The following PRKN variants were observed in gnomAD, a reference collection of about 807,000 sequenced individuals.
PRKN encodes the protein E3 ubiquitin-protein ligase parkin.
A neutral mutation model predicts 59.5 loss-of-function variants in PRKN; 56 were observed. The observed-to-expected ratio is 0.94, with a 90% CI of 0.76 to 1.18. The LOEUF (loss-of-function observed/expected upper bound fraction) is 1.18, where lower values mean the gene tolerates loss of function less well. Among genes scored for constraint, PRKN ranks in the 50% most tolerant of loss-of-function variants. The probability of loss-of-function intolerance (pLI) is 0.00; values close to 1 mark genes in which losing one functional copy is unlikely to be tolerated. For synonymous variants in PRKN, 250 were observed against 222.1 expected, an observed-to-expected ratio of 1.13 and a Z score of -1.12; for missense variants, 657 against 596.4, an observed-to-expected ratio of 1.10 and a Z score of -1.06.
At chr6:162,725,605 T>G (rs900699058) in intron 1 of PRKN, among the ~76,000 whole-genome samples, 1 of 151,428 alleles carries the variant, frequency 6.6e-6, no homozygotes, top group Non-Finnish European at 1.5e-5. Context: ...ACAAAAACTA[T>G]AACAAAAAAT....
At chr6:161,403,562 C>G (rs1787138533) in intron 9 of PRKN, among the ~76,000 whole-genome samples, 1 of 152,168 alleles carries the variant, frequency 6.6e-6, no homozygotes, top group African/African-American at 2.4e-5. Flanking sequence ...AGTGCAGGGC[C>G]TCAGGGCAGG....
In PRKN at chr6:161,697,822, T is replaced by C. The variant is rs1041782306; in HGVS notation, c.871+87950A>G. On this transcript the variant is annotated intron_variant, in intron 7 of 11. Transcript: ENST00000366898. Reference sequence around the variant, plus strand: ...AAAATCAATCCCTGGCATTTTCTAATTGTGGAACAATTTTTTAAATGTCAG... The same window carrying C: ...AAAATCAATCCCTGGCATTTTCTAACTGTGGAACAATTTTTTAAATGTCAG... Among the ~76,000 whole-genome samples the C allele has an allele frequency of 2.6e-5, 4 of 152,326 alleles. No individual in the cohort carries two copies. In the South Asian group the frequency reaches 6.2e-4, roughly 24 times the overall value.
chr6:161,837,771 C>T (rs577843289), intron 6 of PRKN, among the ~76,000 whole-genome samples: 99 of 152,242 alleles, frequency 6.5e-4, no homozygotes, highest in Admixed American at 2.4e-3. Context: ...GGAAATAAGT[C>T]TGAAGAAGGA....
At chr6:162,541,745 C>A (rs1265674178) in intron 1 of PRKN, among the ~76,000 whole-genome samples, 2 of 152,096 alleles carry the variant, frequency 1.3e-5, no homozygotes, top group Non-Finnish European at 2.9e-5. Context: ...CATTTTGCAG[C>A]CGTTTAGCGT....
intron 1 of PRKN, among the ~76,000 whole-genome samples, chr6:162,541,922 A>G (rs1185339012): frequency 1.3e-5 from 2 of 152,156 alleles, no homozygotes; most frequent in Non-Finnish European, 2.9e-5. Flanking sequence ...TTCTATGAGT[A>G]TGGGCGTCCT....
rs1790728892 is a variant in PRKN, at chr6:161,470,386, C to T, written c.1083+78468G>A. On this transcript the variant is annotated intron_variant, in intron 9 of 11. Transcript: ENST00000366898. The surrounding 1 kb of genome is among the most constrained non-coding windows in gnomAD (Gnocchi z 5.1). ...TGCTGGAGCTGGGAGTGGTGGAAGA[C>T]CTGAGGTTTTCCTCTAGGTAGAAGG... is the stretch of plus-strand genomic sequence containing the variant. 2.0e-5 allele frequency among the ~76,000 whole-genome samples: 3 copies of T among 152,158 alleles called. No homozygotes were observed. The highest frequency in any genetic ancestry group is 2.0e-4 in the Admixed American group (3 of 15,276).
intron 7 of PRKN, among the ~76,000 whole-genome samples, chr6:161,589,687 C>T (rs1781646030): frequency 6.6e-6 from 1 of 151,620 alleles, no homozygotes; most frequent in Admixed American, 6.6e-5. Flanking sequence ...TTTTCAGACA[C>T]TGATAAGCCA....
intron 1 of PRKN, among the ~76,000 whole-genome samples, chr6:162,487,862 G>T (rs1007112382): frequency 6.6e-6 from 1 of 152,002 alleles, no homozygotes; most frequent in African/African-American, 2.4e-5. Flanking sequence ...GATCACTTGA[G>T]GCCAAGAGTT....
intron 11 of PRKN, among the ~76,000 whole-genome samples, chr6:161,350,428 A>C (rs1386078052): frequency 2.0e-5 from 3 of 151,578 alleles, no homozygotes; most frequent in African/African-American, 7.3e-5. Context: ...AATGAAATTG[A>C]AGCATGTCAC....
chr6:162,393,340 A>G (rs1390438065), intron 2 of PRKN, among the ~76,000 whole-genome samples: 1 of 151,516 alleles, frequency 6.6e-6, no homozygotes, highest in Non-Finnish European at 1.5e-5. Flanking sequence ...TTGTATTTTT[A>G]GTAGAGACGG....
chr6:162,675,933 A>T (rs543625759), intron 1 of PRKN, among the ~76,000 whole-genome samples: 2 of 152,366 alleles, frequency 1.3e-5, no homozygotes, highest in East Asian at 3.9e-4. Context: ...TAGGTTAGAA[A>T]GTCCAGAAAT....
intron 5 of PRKN, among the ~76,000 whole-genome samples, chr6:162,053,614 A>G (rs926710131): frequency 1.3e-5 from 2 of 152,172 alleles, no homozygotes; most frequent in South Asian, 4.1e-4. Context: ...CACCCATACT[A>G]TATTTTGTAA....
chr6:162,168,061 G>A (rs962594873), intron 4 of PRKN, among the ~76,000 whole-genome samples: 1 of 151,978 alleles, frequency 6.6e-6, no homozygotes, highest in South Asian at 2.1e-4. Context: ...AAAGGTTAGG[G>A]GCAATCTGCT....
At chr6:162,072,267 G>A (rs1411870684) in intron 4 of PRKN, among the ~76,000 whole-genome samples, 1 of 152,010 alleles carries the variant, frequency 6.6e-6, no homozygotes, top group Non-Finnish European at 1.5e-5. Context: ...CAGCCCGGGT[G>A]ACAGAGCGAG....
At chr6:162,114,031 G>T (rs1293119706) in intron 4 of PRKN, among the ~76,000 whole-genome samples, 2 of 151,342 alleles carry the variant, frequency 1.3e-5, no homozygotes, top group African/African-American at 4.9e-5. Flanking sequence ...TTGTAGATAT[G>T]TGGCATTATT....
At chr6:161,944,134 G>GACCAGCCTGAGGA (rs1779694379) in intron 6 of PRKN, among the ~76,000 whole-genome samples, 7 of 103,386 alleles carry the variant, frequency 6.8e-5, no homozygotes, top group African/African-American at 1.8e-4. Flanking sequence ...CAGCCTGAGG[G>GACCAGCCTGAGGA]ATCAGCCTGA....
chr6:162,090,778 T>G (rs530421031), intron 4 of PRKN, among the ~76,000 whole-genome samples: 1 of 152,194 alleles, frequency 6.6e-6, no homozygotes, highest in African/African-American at 2.4e-5. Context: ...CTATCTAGAA[T>G]GACAGAAATG....
chr6:161,796,760 CA>C lies in PRKN; in HGVS notation c.735-10853del, dbSNP rs1156677303. On this transcript the variant is annotated intron_variant, in intron 6 of 11. Coordinates refer to ENST00000366898, the MANE Select transcript of PRKN (RefSeq NM_004562.3). ...TAAAAAAAGCTCAAGCCAGATTTAA[CA>C]TAAAATAGTTTCTGGGTCATATCAT... 3.3e-5 allele frequency among the ~76,000 whole-genome samples: 5 copies of C among 152,236 alleles called. No homozygotes were observed. The East Asian group carries it at 9.6e-4, about 29-fold the overall frequency.
At chr6:161,864,841 A>G (rs1794050418) in intron 6 of PRKN, among the ~76,000 whole-genome samples, 1 of 151,898 alleles carries the variant, frequency 6.6e-6, no homozygotes, top group South Asian at 2.1e-4. Context: ...TTTTTAGTAG[A>G]GACGGGGTTT....
Sources: allele counts gnomAD v4.1 joint callset (sites outside exome capture counted in the v4.1 genomes callset), GRCh38; gene constraint gnomAD v4.1.1; non-coding constraint Gnocchi (gnomAD v3.1); transcripts MANE v1.5; gene names NCBI Gene and HGNC (gene_info 2026-07-23, HGNC 2026-07-21).